The following KCTD16 variants were observed in gnomAD, a reference collection of about 807,000 sequenced individuals.
KCTD16 encodes the protein BTB/POZ domain-containing protein KCTD16.
Under a neutral mutation model 33.2 loss-of-function variants are expected in KCTD16, and 13 were observed. The observed-to-expected ratio is 0.39, with a 90% CI of 0.25 to 0.62. The LOEUF (loss-of-function observed/expected upper bound fraction) is 0.62. Ranked by LOEUF, KCTD16 falls within the 20% of genes least tolerant of loss-of-function variation. KCTD16 has a pLI of 0.50. For missense variants in KCTD16, 441 were observed against 525.1 expected (o/e 0.84, Z 1.57); for synonymous variants, 197 against 195.3 (o/e 1.01, Z -0.07).
rs59442398 is a variant in KCTD16 at position 144,219,513 on chromosome 5, C to CTTTT, written c.832+11989_832+11992dup. Among the ~76,000 whole-genome samples, 609 of 77,112 alleles carry CTTTT rather than the reference C, an allele frequency of 7.9e-3. 39 individuals carry two copies. Among genetic ancestry groups the CTTTT allele is most frequent in the African/African-American group, 0.031 (555 of 17,942 alleles). 50.6% of individuals were successfully genotyped at this position (77,112 alleles called of 152,430 possible). On this transcript the variant is annotated intron_variant, in intron 3 of 3. Transcript: ENST00000512467. ...ACAGGCATGAGCCACTGTGCTGGGCCTTTTTTTTTTTTTTTTTTTTTTTTT... is the reference window on the plus strand; with the variant it reads ...ACAGGCATGAGCCACTGTGCTGGGCCTTTTTTTTTTTTTTTTTTTTTTTTTTTTT...
At chr5:144,174,852 G>A (rs1580766253) in intron 2 of KCTD16, among the ~76,000 whole-genome samples, 1 of 152,132 alleles carries the variant, frequency 6.6e-6, no homozygotes, top group Non-Finnish European at 1.5e-5. Context: ...TGTAAATACT[G>A]TAAATATTTT....
In KCTD16 at chr5:144,345,588, C is replaced by T. The variant is rs185022198; in HGVS notation, c.833-128072C>T. On this transcript the variant is annotated intron_variant, in intron 3 of 3. Coordinates refer to ENST00000512467, the MANE Select transcript of KCTD16 (RefSeq NM_020768.4). ...CAGAAGATATTTACCGAGTACCTAT[C>T]TATGCCATGCACTCTCTTAGAGAAT... 2.7e-3 allele frequency among the ~76,000 whole-genome samples: 407 copies of T among 152,272 alleles called. 1 individual carries two copies. The highest frequency in any genetic ancestry group is 0.02 in the Middle Eastern group (6 of 294).
At chr5:144,217,356 G>T (rs1156801966) in intron 3 of KCTD16, among the ~76,000 whole-genome samples, 2 of 151,934 alleles carry the variant, frequency 1.3e-5, no homozygotes, top group African/African-American at 4.8e-5. Flanking sequence ...TTAAATAGAG[G>T]GATATCTGTG....
intron 2 of KCTD16, among the ~76,000 whole-genome samples, chr5:144,181,317 A>AAAAAC (rs1015707217): frequency 5.9e-5 from 9 of 152,220 alleles, no homozygotes; most frequent in South Asian, 2.1e-4. Flanking sequence ...GATGTAATTG[A>AAAAAC]AAAACAAAAC....
chr5:144,277,848 C>G (rs1400680802), intron 3 of KCTD16, among the ~76,000 whole-genome samples: 4 of 152,020 alleles, frequency 2.6e-5, no homozygotes, highest in African/African-American at 4.8e-5. Flanking sequence ...CTGTTAAAAA[C>G]TTTTATCTAG....
chr5:144,265,208 T>C (rs1755111149), intron 3 of KCTD16, among the ~76,000 whole-genome samples: 1 of 152,184 alleles, frequency 6.6e-6, no homozygotes, highest in Non-Finnish European at 1.5e-5. Context: ...CATTTTTTTT[T>C]CCAAAACAGA....
intron 3 of KCTD16, among the ~76,000 whole-genome samples, chr5:144,455,263 C>T (rs1037737883): frequency 6.6e-6 from 1 of 152,054 alleles, no homozygotes; most frequent in African/African-American, 2.4e-5. Context: ...CCACATGGCC[C>T]CTTCTCTGTA....
At chr5:144,286,226 C>G (rs1031200583) in intron 3 of KCTD16, among the ~76,000 whole-genome samples, 4 of 152,018 alleles carry the variant, frequency 2.6e-5, no homozygotes, top group African/African-American at 4.8e-5. Flanking sequence ...GTGAAGATAT[C>G]TTGTCACCTT....
intron 3 of KCTD16, among the ~76,000 whole-genome samples, chr5:144,452,984 C>A (rs1580976422): frequency 6.6e-6 from 1 of 152,074 alleles, no homozygotes; most frequent in South Asian, 2.1e-4. Flanking sequence ...TGGTAAAAAT[C>A]GTTTAGTCTG....
intron 3 of KCTD16, among the ~76,000 whole-genome samples, chr5:144,288,439 T>C (rs1033778320): frequency 6.6e-6 from 1 of 152,050 alleles, no homozygotes; most frequent in African/African-American, 2.4e-5. Context: ...CAAATGTAGG[T>C]TAGGATGGCT....
intron 3 of KCTD16, among the ~76,000 whole-genome samples, chr5:144,409,959 C>T (rs893658264): frequency 5.9e-5 from 9 of 152,162 alleles, no homozygotes; most frequent in African/African-American, 1.9e-4. Context: ...TAGAGACTTC[C>T]TTGGTACTTT....
chr5:144,221,473 T>C (rs1229817279), intron 3 of KCTD16, among the ~76,000 whole-genome samples: 1 of 152,172 alleles, frequency 6.6e-6, no homozygotes, highest in Non-Finnish European at 1.5e-5. Flanking sequence ...TGTGTCCATG[T>C]GTTCTCATTG....
intron 3 of KCTD16, among the ~76,000 whole-genome samples, chr5:144,396,427 C>T (rs1580929810): frequency 2.0e-5 from 3 of 152,124 alleles, no homozygotes; most frequent in African/African-American, 7.2e-5. Context: ...GGTCAAAGCT[C>T]AGGATTTACA....
At chr5:144,437,129 A>G (rs1233925594) in intron 3 of KCTD16, among the ~76,000 whole-genome samples, 3 of 152,140 alleles carry the variant, frequency 2.0e-5, no homozygotes, top group African/African-American at 7.2e-5. Flanking sequence ...GGCCACAGGT[A>G]TGATCTGACT....
chr5:144,381,361 T>A lies in KCTD16; in HGVS notation c.833-92299T>A, dbSNP rs141199246. On this transcript the variant is annotated intron_variant, in intron 3 of 3. Coordinates refer to ENST00000512467, the MANE Select transcript of KCTD16 (RefSeq NM_020768.4). ...CACTGCTGGTGGGAATGTAAATTAGTTCAGCCACTGCAGAAAGCAGTGTAT... is the reference window on the plus strand; with the variant it reads ...CACTGCTGGTGGGAATGTAAATTAGATCAGCCACTGCAGAAAGCAGTGTAT... Among the ~76,000 whole-genome samples the A allele has an allele frequency of 5.7e-4, 87 of 152,320 alleles. No homozygotes were observed. In the East Asian group the frequency reaches 0.011, roughly 19 times the overall value.
chr5:144,405,514 A>C (rs916322093), intron 3 of KCTD16, among the ~76,000 whole-genome samples: 3 of 152,110 alleles, frequency 2.0e-5, no homozygotes, highest in Non-Finnish European at 4.4e-5. Context: ...TATTTCTGTA[A>C]AATAAACCTT....
At chr5:144,286,001 A>G (rs1755735048) in intron 3 of KCTD16, among the ~76,000 whole-genome samples, 1 of 148,832 alleles carries the variant, frequency 6.7e-6, no homozygotes, top group Non-Finnish European at 1.5e-5. Flanking sequence ...GATTTAAGTC[A>G]GGATATCATC....
At chr5:144,385,912 C>T (rs539292636) in intron 3 of KCTD16, among the ~76,000 whole-genome samples, 173 of 151,954 alleles carry the variant, frequency 1.1e-3, no homozygotes, top group Non-Finnish European at 2.1e-3. Flanking sequence ...ATCAAGATTG[C>T]CTTTTAAAAG....
intron 1 of KCTD16, among the ~76,000 whole-genome samples, chr5:144,172,146 C>A (rs926285809): frequency 6.0e-5 from 9 of 150,776 alleles, no homozygotes; most frequent in Admixed American, 1.3e-4. Context: ...AGAAAACGCA[C>A]TCCCCTCCAA....
Sources: gnomAD v4.1 joint callset for allele counts (sites outside exome capture counted in the v4.1 genomes callset) on GRCh38, gnomAD v4.1.1 for gene constraint, MANE v1.5 for transcripts, NCBI Gene and HGNC (gene_info 2026-07-23, HGNC 2026-07-21) for gene names.